FGF14: variants seen among roughly 807,000 people sequenced by gnomAD.
FGF14 encodes fibroblast growth factor homologous factor 4.
A neutral mutation model predicts 25.5 loss-of-function variants in FGF14; 5 were observed. The observed-to-expected ratio is 0.20, with a 90% CI of 0.10 to 0.41. The LOEUF (loss-of-function observed/expected upper bound fraction) is 0.41, where lower values mean the gene tolerates loss of function less well. Among genes scored for constraint, FGF14 ranks in the 10% least tolerant of loss-of-function variants. The pLI is 1.00. For missense variants in FGF14, 222 were observed against 320.1 expected (o/e 0.69, Z 2.34); for synonymous variants, 138 against 118.3 (o/e 1.17, Z -1.08).
At chr13:101,733,976 A>G (rs2035998696) in intron 3 of FGF14, among the ~76,000 whole-genome samples, 1 of 151,864 alleles carries the variant, frequency 6.6e-6, no homozygotes, top group Non-Finnish European at 1.5e-5. Flanking sequence ...TAAAATATGT[A>G]TTTTATATGT....
chr13:101,886,956 T>G (rs2046020569), intron 1 of FGF14, among the ~76,000 whole-genome samples: 1 of 152,088 alleles, frequency 6.6e-6, no homozygotes. Context: ...TCAGCATCAC[T>G]AATCACCAGA....
rs533464675 is a variant in FGF14 at position 101,768,740 on chromosome 13, G to A, written c.409-41930C>T. Among the ~76,000 whole-genome samples the A allele has an allele frequency of 2.2e-4, 33 of 152,216 alleles. No homozygotes were observed. In the East Asian group the frequency reaches 5.2e-3, roughly 24 times the overall value. On this transcript the variant is annotated intron_variant, in intron 3 of 4. Coordinates refer to ENST00000376143, the MANE Select transcript of FGF14 (RefSeq NM_004115.4). ...AGAAAAAGTAGTCTTTTCAACTAAC[G>A]GTACTGGGACAACTGGAACGTCCAC...
intron 1 of FGF14, among the ~76,000 whole-genome samples, chr13:102,086,919 G>C (rs2043933601): frequency 6.6e-6 from 1 of 152,202 alleles, no homozygotes; most frequent in African/African-American, 2.4e-5. Flanking sequence ...ACAGGAGGCA[G>C]TCTGATGATG....
At chr13:102,169,130 C>A (rs754295865) in intron 1 of FGF14, among the ~76,000 whole-genome samples, 2 of 150,904 alleles carry the variant, frequency 1.3e-5, no homozygotes, top group African/African-American at 4.9e-5. Context: ...AAGCTTTAGG[C>A]AACTAGATTA....
At chr13:102,254,010 C>G (rs2052325420) in intron 1 of FGF14, among the ~76,000 whole-genome samples, 1 of 152,070 alleles carries the variant, frequency 6.6e-6, no homozygotes, top group South Asian at 2.1e-4. Context: ...TAATACAGGT[C>G]AAGTGAAGGT....
intron 1 of FGF14, among the ~76,000 whole-genome samples, chr13:102,251,267 G>A (rs1404887286): frequency 6.6e-6 from 1 of 152,146 alleles, no homozygotes; most frequent in African/African-American, 2.4e-5. Flanking sequence ...TTAAGGCCTG[G>A]ATGTCTGTTT....
At chr13:102,164,595 T>C (rs1208078789) in intron 1 of FGF14, among the ~76,000 whole-genome samples, 3 of 152,120 alleles carry the variant, frequency 2.0e-5, no homozygotes, top group Admixed American at 1.3e-4. Flanking sequence ...GGTAAAGTCA[T>C]AGAGACAAAG....
chr13:101,998,312 C>G (rs2039298310), intron 1 of FGF14, among the ~76,000 whole-genome samples: 1 of 152,038 alleles, frequency 6.6e-6, no homozygotes, highest in African/African-American at 2.4e-5. Context: ...GGAATTTCCT[C>G]TTTAAATGTT....
At chr13:102,084,570 G>C (rs1008176413) in intron 1 of FGF14, among the ~76,000 whole-genome samples, 2 of 152,104 alleles carry the variant, frequency 1.3e-5, no homozygotes, top group African/African-American at 4.8e-5. Context: ...TTTCAGGACA[G>C]AGCACACAAT....
intron 1 of FGF14, among the ~76,000 whole-genome samples, chr13:102,248,650 A>C (rs16959993): frequency 0.019 from 2,942 of 152,236 alleles, 81 homozygotes; most frequent in African/African-American, 0.067. Context: ...GTTTGGATTA[A>C]ATTCACCAGG....
At chr13:102,241,209 T>C (rs1054838474) in intron 1 of FGF14, among the ~76,000 whole-genome samples, 1 of 152,148 alleles carries the variant, frequency 6.6e-6, no homozygotes, top group Non-Finnish European at 1.5e-5. Flanking sequence ...TAGAAGACTC[T>C]GTCGCAATAG....
At chr13:102,012,196 G>A (rs768134605) in intron 1 of FGF14, among the ~76,000 whole-genome samples, 2 of 152,108 alleles carry the variant, frequency 1.3e-5, no homozygotes, top group East Asian at 3.9e-4. Flanking sequence ...ATGGACAGAA[G>A]AGAAGGAGGG....
intron 3 of FGF14, among the ~76,000 whole-genome samples, chr13:101,832,306 A>G (rs2042709912): frequency 6.6e-6 from 1 of 152,018 alleles, no homozygotes; most frequent in Non-Finnish European, 1.5e-5. Flanking sequence ...ACAGACTGAA[A>G]CTGATCTCTG....
chr13:102,060,558 TAC>T (rs1337086416), intron 1 of FGF14, among the ~76,000 whole-genome samples: 1 of 152,208 alleles, frequency 6.6e-6, no homozygotes, highest in Non-Finnish European at 1.5e-5. Flanking sequence ...AAACACGTTT[TAC>T]ACAGTTATAT....
intron 3 of FGF14, among the ~76,000 whole-genome samples, chr13:101,831,089 G>A (rs2042647278): frequency 6.6e-6 from 1 of 151,726 alleles, no homozygotes; most frequent in African/African-American, 2.4e-5. Flanking sequence ...ACAGTAATAG[G>A]GTACATTTTG....
intron 1 of FGF14, among the ~76,000 whole-genome samples, chr13:101,998,504 T>A (rs187225608): frequency 1.2e-3 from 187 of 152,348 alleles, no homozygotes; most frequent in Non-Finnish European, 2.0e-3. Context: ...AGAGGTATGA[T>A]CATCTTAGAT....
intron 1 of FGF14, among the ~76,000 whole-genome samples, chr13:102,257,891 A>C (rs936980179): frequency 6.6e-6 from 1 of 152,106 alleles, no homozygotes; most frequent in Admixed American, 6.5e-5. Flanking sequence ...TTTATGGCCC[A>C]GTTCATCAGC....
At chr13:102,197,388 C>A (rs781651554) in intron 1 of FGF14, among the ~76,000 whole-genome samples, 1 of 152,036 alleles carries the variant, frequency 6.6e-6, no homozygotes, top group Non-Finnish European at 1.5e-5. Flanking sequence ...CTGGAAAGTA[C>A]AAATTGAGCT....
intron 1 of FGF14, among the ~76,000 whole-genome samples, chr13:102,286,168 T>A (rs1296415218): frequency 6.6e-6 from 1 of 152,140 alleles, no homozygotes; most frequent in Non-Finnish European, 1.5e-5. Context: ...TAAGCAATCA[T>A]TGCCATATTC....
Sources: gnomAD v4.1 joint callset for allele counts (sites outside exome capture counted in the v4.1 genomes callset) on GRCh38, gnomAD v4.1.1 for gene constraint, MANE v1.5 for transcripts, NCBI Gene and HGNC (gene_info 2026-07-23, HGNC 2026-07-21) for gene names.